The following RGS14 variants were observed in gnomAD, a reference collection of about 807,000 sequenced individuals.
RGS14 encodes regulator of G protein signaling 14.
A neutral mutation model predicts 63.8 loss-of-function variants in RGS14; 33 were observed. The observed-to-expected ratio is 0.52, with a 90% CI of 0.39 to 0.69. The LOEUF (loss-of-function observed/expected upper bound fraction) is 0.69. RGS14 is among the 30% of genes least tolerant of loss of function. The pLI is 0.00. For missense variants in RGS14, 739 were observed against 742.9 expected, an observed-to-expected ratio of 0.99 and a Z score of 0.06; for synonymous variants, 296 against 320.9, an observed-to-expected ratio of 0.92 and a Z score of 0.83.
In RGS14 at chr5:177,371,869, C is replaced by T. The variant is rs755571879; in HGVS notation, c.1499-4C>T. ...GGGACCCTCATGCTGTGGCTTGCCT[C>T]CAGGCCTGGTGGAGCTGCTGAACCG... On this transcript the variant is annotated splice_region_variant and splice_polypyrimidine_tract_variant and intron_variant, in intron 14 of 14. Transcript: ENST00000408923. This position sits in a 1 kb window ranked among gnomAD's most constrained non-coding sequence, Gnocchi z 6.1. The T allele has an allele frequency of 6.2e-7, 1 of 1,609,454 alleles. No individual in the cohort carries two copies. Among genetic ancestry groups the T allele is most frequent in the Non-Finnish European group, 8.5e-7 (1 of 1,178,326 alleles).
chr5:177,368,249 G>C lies in RGS14; in HGVS notation c.832G>C (p.Val278Leu), dbSNP rs1236871806. Residue 278 changes from valine to leucine, a missense_variant, in exon 8 of 15, where the codon GTC (valine) becomes CTC (leucine). Val to Leu is a conservative substitution (Grantham distance 32). Transcript: ENST00000408923. Reference sequence around the variant, plus strand: ...CCTGGACCTTGGCTTCCTAGCCTTCGTCAGCAGCAAATCTGAGGTGAGCCG... The same window carrying C: ...CCTGGACCTTGGCTTCCTAGCCTTCCTCAGCAGCAAATCTGAGGTGAGCCG... Reference protein sequence around the residue: ...ASLDLGFLAFVSSKSESHRKS... With the variant: ...ASLDLGFLAFLSSKSESHRKS... The C allele has an allele frequency of 1.9e-6, 3 of 1,612,930 alleles. No homozygotes were observed. Among genetic ancestry groups the C allele is most frequent in the South Asian group, 2.2e-5 (2 of 91,024 alleles).
chr5:177,371,020 G>T lies in RGS14; in HGVS notation c.1243G>T (p.Val415Leu). Reference sequence around the variant, plus strand: ...GCACGGCTTGAGCCCGCTAGAGGTGGTGCTGCACCGGGTGAGCTTCCGGGC... The same window carrying T: ...GCACGGCTTGAGCCCGCTAGAGGTGTTGCTGCACCGGGTGAGCTTCCGGGC... ...EKHGLSPLEV[V>L]LHRPGEKQPL... The change falls in exon 11 of 15, where the codon GTG (valine) becomes TTG (leucine). Residue 415 changes from valine (V) to leucine (L), a missense_variant. Transcript: ENST00000408923. The surrounding 1 kb of genome is among the most constrained non-coding windows in gnomAD (Gnocchi z 6.1). 3 of 1,570,614 alleles carry T rather than the reference G, an allele frequency of 1.9e-6. No individual in the cohort carries two copies. Among genetic ancestry groups the T allele is most frequent in the African/African-American group, 1.4e-5 (1 of 70,932 alleles).
intron 9 of RGS14, among the ~76,000 whole-genome samples, chr5:177,369,378 C>T (rs1762185832): frequency 6.6e-6 from 1 of 152,170 alleles, no homozygotes; most frequent in Non-Finnish European, 1.5e-5. Flanking sequence ...TAAAGGAAAC[C>T]ATTCAGTCAG....
Position 177,358,101 on chromosome 5 carries a change from G to A in RGS14, c.45+32G>A. 7.5e-7 allele frequency: 1 copy of A among 1,331,458 alleles called. No homozygotes were observed. The highest frequency in any genetic ancestry group is 2.0e-5 in the South Asian group (1 of 49,098). The allele number at this position is 1,331,458 out of a possible 1,614,324, so 82.5% of individuals were successfully genotyped here. A position where few individuals can be genotyped will look rare whatever the true frequency, so the allele number is the denominator to read the frequency against. On this transcript the variant is annotated intron_variant, in intron 1 of 14. Coordinates refer to ENST00000408923, the MANE Select transcript of RGS14 (RefSeq NM_006480.5). This position sits in a 1 kb window ranked among gnomAD's most constrained non-coding sequence, Gnocchi z 4.8. ...GTGGGCTCCGGGCCAGGGCCACGAGGAGGGGGTGGGCACACCCAGGGTGGA... is the reference window on the plus strand; with the variant it reads ...GTGGGCTCCGGGCCAGGGCCACGAGAAGGGGGTGGGCACACCCAGGGTGGA...
In RGS14 at chr5:177,371,284, C is replaced by T; in HGVS notation, c.1336+38C>T. 1 of 1,613,922 alleles carries T rather than the reference C, an allele frequency of 6.2e-7. No individual in the cohort carries two copies. The highest frequency in any genetic ancestry group is 8.5e-7 in the Non-Finnish European group (1 of 1,179,854). ...GGCCTCGGGGCTTGATCTGGAACAG[C>T]TGTGGCCCAGGAGGAAGGGGGTCCA... On this transcript the variant is annotated intron_variant, in intron 12 of 14. Coordinates refer to ENST00000408923, the MANE Select transcript of RGS14 (RefSeq NM_006480.5). The surrounding 1 kb of genome is among the most constrained non-coding windows in gnomAD (Gnocchi z 6.1).
intron 8 of RGS14, 107 bp downstream of exon 8, chr5:177,368,373 C>A: frequency 8.2e-7 from 1 of 1,217,090 alleles, no homozygotes; most frequent in Non-Finnish European, 1.1e-6. Flanking sequence ...ACTGCGTCTC[C>A]CAGCTTGCTC....
chr5:177,371,735 AGGGGCTGGAACAG>A lies in RGS14; in HGVS notation c.1499-132_1499-120del. On this transcript the variant is annotated intron_variant, in intron 14 of 14. Transcript: ENST00000408923. This position sits in a 1 kb window ranked among gnomAD's most constrained non-coding sequence, Gnocchi z 6.1. ...GGAAGGATGGGGGTTGGGGGGTCAA[AGGGGCTGGAACAG>A]GGGGCCGCAGGCCATTGGTGCTGGG... 3 of 880,056 alleles carry A rather than the reference AGGGGCTGGAACAG, an allele frequency of 3.4e-6. No homozygotes were observed. The highest frequency in any genetic ancestry group is 4.8e-6 in the Non-Finnish European group (3 of 621,072). The allele number at this position is 880,056 out of a possible 1,614,324, so 54.5% of individuals were successfully genotyped here.
chr5:177,371,471 G>T lies in RGS14; in HGVS notation c.1384-4G>T. The T allele has an allele frequency of 2.5e-6, 4 of 1,614,060 alleles. No individual in the cohort carries two copies. Among genetic ancestry groups the T allele is most frequent in the Non-Finnish European group, 1.7e-6 (2 of 1,179,972 alleles). On this transcript the variant is annotated splice_region_variant and splice_polypyrimidine_tract_variant and intron_variant, in intron 13 of 14. Coordinates refer to ENST00000408923, the MANE Select transcript of RGS14 (RefSeq NM_006480.5). This position sits in a 1 kb window ranked among gnomAD's most constrained non-coding sequence, Gnocchi z 6.1. ...ATTTTGGCTCTGACCCCAAATTCTC[G>T]CAGGGCTGCCCACCTAGAACTCAGG... is the stretch of plus-strand genomic sequence containing the variant.
At chr5:177,361,288 C>T (rs774761947) in intron 1 of RGS14, among the ~76,000 whole-genome samples, 5 of 152,208 alleles carry the variant, frequency 3.3e-5, no homozygotes, top group South Asian at 2.1e-4. Flanking sequence ...TCTTGCAGCC[C>T]CTCAAGCTAG....
intron 1 of RGS14, among the ~76,000 whole-genome samples, chr5:177,361,954 C>A (rs1224588754): frequency 6.6e-6 from 1 of 152,158 alleles, no homozygotes; most frequent in Non-Finnish European, 1.5e-5. Context: ...TTCCCCAGGC[C>A]CTGCAGTGGC....
chr5:177,363,048 A>G (rs1762004395), intron 1 of RGS14, among the ~76,000 whole-genome samples: 1 of 151,414 alleles, frequency 6.6e-6, no homozygotes, highest in South Asian at 2.1e-4. Context: ...GATCTGGGGG[A>G]GGGCGATGAC....
At chr5:177,365,875 A>G (rs781638092) in intron 1 of RGS14, 88 bp from the exon 2 acceptor site, 19 of 1,356,512 alleles carry the variant, frequency 1.4e-5, no homozygotes, top group Non-Finnish European at 1.9e-5. Context: ...AGGAGAACGC[A>G]GTTCCAGCTC....
At chr5:177,366,508 T>G in intron 3 of RGS14, 153 bp downstream of exon 3, 1 of 823,282 alleles carries the variant, frequency 1.2e-6, no homozygotes, top group Non-Finnish European at 1.9e-6. Flanking sequence ...GGAACTTTTC[T>G]TCCTTCTCCC....
At chr5:177,367,118 A>G in intron 5 of RGS14, 84 bp downstream of exon 5, 2 of 1,506,530 alleles carry the variant, frequency 1.3e-6, no homozygotes. Flanking sequence ...AGTCTGAACT[A>G]CAAAGCGGAG....
chr5:177,372,390 C>G lies in RGS14; in HGVS notation c.*315C>G, dbSNP rs1762295622. On this transcript the variant is annotated 3_prime_UTR_variant, in exon 15 of 15. Coordinates refer to ENST00000408923, the MANE Select transcript of RGS14 (RefSeq NM_006480.5). ...CGTTGGCAGTGCCAGCCTCCCCAGC[C>G]TGTGCCAAGCTTCAACAGGGGCAAG... 3.0e-6 allele frequency: 1 copy of G among 330,630 alleles called. No homozygotes were observed. The highest frequency in any genetic ancestry group is 4.6e-5 in the Admixed American group (1 of 21,840). 20.5% of individuals were successfully genotyped at this position (330,630 alleles called of 1,614,324 possible).
At position 177,372,231 on chromosome 5, in the gene RGS14, T is replaced by G; in HGVS notation, c.*156T>G. The G allele has an allele frequency of 1.4e-6, 1 of 711,198 alleles. No homozygotes were observed. The highest frequency in any genetic ancestry group is 1.8e-5 in the South Asian group (1 of 56,176). 44.1% of individuals were successfully genotyped at this position (711,198 alleles called of 1,614,324 possible). A position where few individuals can be genotyped will look rare whatever the true frequency, so the allele number is the denominator to read the frequency against. On this transcript the variant is annotated 3_prime_UTR_variant, in exon 15 of 15. Coordinates refer to ENST00000408923, the MANE Select transcript of RGS14 (RefSeq NM_006480.5). ...GAGCCGGTAGGGGTGGAAAGGGGACTCAGATGAGACACACCCCACAGCTGC... is the reference window on the plus strand; with the variant it reads ...GAGCCGGTAGGGGTGGAAAGGGGACGCAGATGAGACACACCCCACAGCTGC...
At chr5:177,369,019 G>A (rs1762175656) in intron 9 of RGS14, 99 bp downstream of exon 9, 4 of 1,258,996 alleles carry the variant, frequency 3.2e-6, no homozygotes, top group Non-Finnish European at 4.5e-6. Flanking sequence ...CCCAATTCAA[G>A]TTCTAAACCC....
In RGS14 at chr5:177,372,365, C is replaced by G; in HGVS notation, c.*290C>G. 2.7e-6 allele frequency: 1 copy of G among 374,886 alleles called. No homozygotes were observed. Among genetic ancestry groups the G allele is most frequent in the African/African-American group, 2.1e-5 (1 of 48,374 alleles). The allele number at this position is 374,886 out of a possible 1,614,324, so 23.2% of individuals were successfully genotyped here. On this transcript the variant is annotated 3_prime_UTR_variant, in exon 15 of 15. Transcript: ENST00000408923. The stretch of plus-strand genomic sequence containing the variant: ...AGGCTTGCCCAACATGGAGGGATGG[C>G]GTTGGCAGTGCCAGCCTCCCCAGCC...
chr5:177,366,741 G>T lies in RGS14; in HGVS notation c.280G>T (p.Val94Leu). ...GAAGAAGGAGTTCAGCGCGGAAAACGTGACTTTCTGGAAGGCCTGCGAGCG... is the reference window on the plus strand; with the variant it reads ...GAAGAAGGAGTTCAGCGCGGAAAACTTGACTTTCTGGAAGGCCTGCGAGCG... ...FLKKEFSAEN[V>L]TFWKACERFQ... The change falls in exon 4 of 15, where the codon GTG becomes TTG. Residue 94 changes from valine to leucine, a missense_variant. Val to Leu is a conservative substitution (Grantham distance 32). Transcript: ENST00000408923. The T allele has an allele frequency of 6.2e-7, 1 of 1,614,116 alleles. No homozygotes were observed. Among genetic ancestry groups the T allele is most frequent in the Non-Finnish European group, 8.5e-7 (1 of 1,180,028 alleles).
Sources: gnomAD v4.1 joint callset for allele counts (sites outside exome capture counted in the v4.1 genomes callset) on GRCh38, gnomAD v4.1.1 for gene constraint, Gnocchi (gnomAD v3.1) non-coding constraint, MANE v1.5 for transcripts, NCBI Gene and HGNC (gene_info 2026-07-23, HGNC 2026-07-21) for gene names.